The following TTLL5 variants were observed in gnomAD, a reference collection of about 807,000 sequenced individuals.
TTLL5 encodes tubulin tyrosine ligase like 5.
In TTLL5, 132 loss-of-function variants were observed where a neutral mutation model predicts 168.4. The observed-to-expected ratio is 0.78, with a 90% CI of 0.68 to 0.91. The LOEUF is 0.91. TTLL5 is among the 40% of genes least tolerant of loss of function. The pLI, the probability that TTLL5 is intolerant of heterozygous loss-of-function variation, is 0.00. For synonymous variants in TTLL5, 546 were observed against 558.6 expected (o/e 0.98, Z 0.32); for missense variants, 1,545 against 1,581.5 (o/e 0.98, Z 0.39).
intron 28 of TTLL5, among the ~76,000 whole-genome samples, chr14:75,860,926 G>C (rs1252135651): frequency 6.6e-6 from 1 of 152,088 alleles, no homozygotes; most frequent in Non-Finnish European, 1.5e-5. Flanking sequence ...CCTGCTTTGT[G>C]AATAATGTTA....
chr14:75,661,817 T>C (rs1288995269), intron 1 of TTLL5, among the ~76,000 whole-genome samples: 1 of 152,158 alleles, frequency 6.6e-6, no homozygotes, highest in Non-Finnish European at 1.5e-5. Flanking sequence ...GCCATTGAAG[T>C]TGTTAGACAT....
At position 75,690,209 on chromosome 14, in the gene TTLL5, G is replaced by T; in HGVS notation, c.389G>T (p.Arg130Leu). 1 of 1,612,852 alleles carries T rather than the reference G, an allele frequency of 6.2e-7. No individual in the cohort carries two copies. Among genetic ancestry groups the T allele is most frequent in the Non-Finnish European group, 8.5e-7 (1 of 1,179,628 alleles). The change falls in exon 6 of 32, where the codon CGG becomes CTG. Residue 130 changes from arginine to leucine, a missense_variant. Physicochemically the swap from Arg to Leu is moderately radical, Grantham distance 102 (BLOSUM62 -2). Coordinates refer to ENST00000298832, the MANE Select transcript of TTLL5 (RefSeq NM_015072.5). ...TTTTTCAGGTCTTATGAACTTACCCGGAAGGACCGACTGTACAAAAACATT... is the reference window on the plus strand; with the variant it reads ...TTTTTCAGGTCTTATGAACTTACCCTGAAGGACCGACTGTACAAAAACATT... ...NHFPRSYELT[R>L]KDRLYKNIIR... is the part of the protein sequence containing the mutation.
chr14:75,807,379 TG>T (rs1349281354), intron 27 of TTLL5, among the ~76,000 whole-genome samples: 1 of 152,170 alleles, frequency 6.6e-6, no homozygotes, highest in Non-Finnish European at 1.5e-5. Context: ...GCCCAAGAGC[TG>T]CAGTGTGCCA....
At chr14:75,878,878 CAAAT>C (rs1301766908) in intron 29 of TTLL5, among the ~76,000 whole-genome samples, 4 of 152,116 alleles carry the variant, frequency 2.6e-5, no homozygotes, top group South Asian at 2.1e-4. Context: ...GAGTTGGACA[CAAAT>C]AACACACTAG....
chr14:75,711,438 TG>T (rs1358383043), intron 9 of TTLL5: 2 of 152,166 alleles, frequency 1.3e-5, no homozygotes, highest in Admixed American at 6.5e-5. Context: ...GATCCAGTAT[TG>T]GGTTTAGATG....
At chr14:75,715,074 C>G (rs936640963) in intron 9 of TTLL5, among the ~76,000 whole-genome samples, 3 of 152,110 alleles carry the variant, frequency 2.0e-5, no homozygotes, top group African/African-American at 7.2e-5. Flanking sequence ...GGAAATCTGG[C>G]TCGCAGTATC....
chr14:75,821,485 T>C (rs1300058233), intron 28 of TTLL5, among the ~76,000 whole-genome samples: 1 of 152,230 alleles, frequency 6.6e-6, no homozygotes, highest in Non-Finnish European at 1.5e-5. Flanking sequence ...GAAGACATTT[T>C]CACTGCAATT....
chr14:75,737,256 A>T (rs1888968882), intron 15 of TTLL5, among the ~76,000 whole-genome samples: 2 of 152,348 alleles, frequency 1.3e-5, no homozygotes, highest in South Asian at 4.1e-4. Context: ...AAGGAACTGT[A>T]GATTGGTCAT....
At chr14:75,715,105 G>A (rs1340953722) in intron 9 of TTLL5, among the ~76,000 whole-genome samples, 1 of 151,770 alleles carries the variant, frequency 6.6e-6, no homozygotes, top group Non-Finnish European at 1.5e-5. Flanking sequence ...TTATTTATTT[G>A]CTCAATTCCT....
At chr14:75,687,153 A>C (rs1478316881) in intron 5 of TTLL5, among the ~76,000 whole-genome samples, 1 of 152,232 alleles carries the variant, frequency 6.6e-6, no homozygotes, top group Non-Finnish European at 1.5e-5. Flanking sequence ...AATAAAACAT[A>C]AACTGTAAAA....
At chr14:75,726,419 C>T (rs1256693891) in intron 12 of TTLL5, among the ~76,000 whole-genome samples, 1 of 151,950 alleles carries the variant, frequency 6.6e-6, no homozygotes, top group Middle Eastern at 3.2e-3. Context: ...ATATTTTTTT[C>T]ATTCAGTATT....
intron 17 of TTLL5, among the ~76,000 whole-genome samples, chr14:75,747,558 A>G (rs898868725): frequency 6.7e-6 from 1 of 149,926 alleles, no homozygotes; most frequent in Admixed American, 6.6e-5. Context: ...TTGGTCAGGC[A>G]CTTAAGTTAC....
chr14:75,783,652 C>G, intron 26 of TTLL5, 122 bp downstream of exon 26: 1 of 1,347,710 alleles, frequency 7.4e-7, no homozygotes, highest in Non-Finnish European at 1.0e-6. Flanking sequence ...ACACACACTG[C>G]ATTGTTCTGA....
At chr14:75,926,368 C>T (rs766166868) in intron 31 of TTLL5, among the ~76,000 whole-genome samples, 11 of 151,726 alleles carry the variant, frequency 7.2e-5, no homozygotes, top group Middle Eastern at 3.4e-3. Flanking sequence ...AATATTGTTA[C>T]GTGTGAATTT....
chr14:75,691,580 C>T (rs2140139315), intron 6 of TTLL5, among the ~76,000 whole-genome samples: 1 of 152,290 alleles, frequency 6.6e-6, no homozygotes, highest in East Asian at 1.9e-4. Context: ...CTTCAGAGGC[C>T]ATGCTCTTCG....
chr14:75,745,447 G>C, intron 16 of TTLL5, 43 bp from the exon 17 acceptor site: 2 of 1,595,236 alleles, frequency 1.3e-6, no homozygotes, highest in African/African-American at 2.7e-5. Context: ...CATGGACTCC[G>C]GTTTTCAAAA....
intron 27 of TTLL5, among the ~76,000 whole-genome samples, chr14:75,817,830 C>CTTTTTTTTTTTTTTTTTT (rs1045988787): frequency 3.5e-4 from 29 of 83,862 alleles, no homozygotes; most frequent in African/African-American, 5.1e-4. Flanking sequence ...CTTTTCTTTT[C>CTTTTTTTTTTTTTTTTTT]TTTTTTTTTT....
chr14:75,770,945 C>A (rs1490103291), intron 20 of TTLL5, among the ~76,000 whole-genome samples: 1 of 152,190 alleles, frequency 6.6e-6, no homozygotes. Flanking sequence ...TATCTATTTC[C>A]TGCTTTGGAC....
intron 15 of TTLL5, among the ~76,000 whole-genome samples, chr14:75,741,204 ATTGATAAATTCATC>A (rs1440201270): frequency 3.3e-5 from 5 of 152,238 alleles, no homozygotes; most frequent in Admixed American, 3.3e-4. Flanking sequence ...AAGTTGTACT[ATTGATAAATTCATC>A]TTTATCCTTG....
Sources: gnomAD v4.1 joint callset for allele counts (sites outside exome capture counted in the v4.1 genomes callset) on GRCh38, gnomAD v4.1.1 for gene constraint, MANE v1.5 for transcripts, NCBI Gene and HGNC (gene_info 2026-07-23, HGNC 2026-07-21) for gene names.